The following SLCO5A1 variants were observed in gnomAD, a reference collection of about 807,000 sequenced individuals.
SLCO5A1 encodes solute carrier organic anion transporter family member 5A1, also known as organic anion transporter polypeptide-related protein 4.
In SLCO5A1, 39 loss-of-function variants were observed where a neutral mutation model predicts 65.1. That is an observed-to-expected ratio of 0.60 (90% CI 0.46 to 0.78). SLCO5A1 has a LOEUF of 0.78. Among genes scored for constraint, SLCO5A1 ranks in the 30% least tolerant of loss-of-function variants. The probability of loss-of-function intolerance (pLI) is 0.00; values close to 1 mark genes in which losing one functional copy is unlikely to be tolerated. For missense variants in SLCO5A1, 1,029 were observed against 1,069.4 expected, an observed-to-expected ratio of 0.96 and a Z score of 0.53; for synonymous variants, 438 against 415.7, an observed-to-expected ratio of 1.05 and a Z score of -0.65.
chr8:69,832,292 G>A lies in SLCO5A1; in HGVS notation c.382C>T (p.Arg128Cys), dbSNP rs751515522. 1.2e-6 allele frequency: 2 copies of A among 1,614,194 alleles called. No homozygotes were observed. Among genetic ancestry groups the A allele is most frequent in the South Asian group, 2.2e-5 (2 of 91,084 alleles). The part of the protein sequence containing the change: ...RCLYVVLTDS[R>C]CFLVCMCFLT... ...AAGCACATGCACACCAGGAAGCAAC[G>A]GGAATCCGTGAGGACCACGTAGAGG... Residue 128 changes from arginine (R) to cysteine (C), a missense_variant, in exon 2 of 10, where the codon CGT (arginine) becomes TGT (cysteine). Around this residue, in one of 3 missense-constraint regions of SLCO5A1, gnomAD observed 647 missense variants for 647.5 expected, o/e 1.00. Coordinates refer to ENST00000260126, the MANE Select transcript of SLCO5A1 (RefSeq NM_030958.3). The surrounding 1 kb of genome is among the most constrained non-coding windows in gnomAD (Gnocchi z 4.5).
intron 5 of SLCO5A1, among the ~76,000 whole-genome samples, chr8:69,721,476 G>A (rs1406277279): frequency 1.3e-5 from 2 of 152,162 alleles, no homozygotes; most frequent in Admixed American, 1.3e-4. Context: ...CGAATCATTG[G>A]CTAATTAATG....
intron 5 of SLCO5A1, among the ~76,000 whole-genome samples, chr8:69,727,598 A>G (rs1445409922): frequency 6.6e-6 from 1 of 152,170 alleles, no homozygotes; most frequent in Non-Finnish European, 1.5e-5. Flanking sequence ...GCATGCATGG[A>G]AGGCACCTCG....
intron 2 of SLCO5A1, among the ~76,000 whole-genome samples, chr8:69,801,333 T>C (rs1030976403): frequency 2.0e-5 from 3 of 152,220 alleles, no homozygotes; most frequent in Non-Finnish European, 4.4e-5. Flanking sequence ...CAACTCAAAG[T>C]AGCTTTTACA....
At position 69,670,510 on chromosome 8, in the gene SLCO5A1, G is replaced by A. The variant is rs137915237; in HGVS notation, c.*2359C>T. 1.0e-3 allele frequency: 155 copies of A among 152,244 alleles called. No homozygotes were observed. Among genetic ancestry groups the A allele is most frequent in the African/African-American group, 3.5e-3 (147 of 41,538 alleles). 9.4% of individuals were successfully genotyped at this position (152,244 alleles called of 1,614,324 possible). On this transcript the variant is annotated 3_prime_UTR_variant, in exon 10 of 10. Coordinates refer to ENST00000260126, the MANE Select transcript of SLCO5A1 (RefSeq NM_030958.3). The stretch of plus-strand genomic sequence containing the variant: ...TAATGAAATACCTGCTATTTATAAG[G>A]AGCAGATACTTGAGGAAGTACAATA...
Position 69,803,712 on chromosome 8 carries a change from G to T in SLCO5A1, c.907+28055C>A, listed in dbSNP as rs993925216. Among the ~76,000 whole-genome samples, 3 of 152,128 alleles carry T rather than the reference G, an allele frequency of 2.0e-5. No homozygotes were observed. The East Asian group carries it at 5.8e-4, about 29-fold the overall frequency. ...TGAAACTCACTAAAGTGTATGGCTG[G>T]GTGTGGTGCCTCACACATGTAATCC... is the stretch of plus-strand genomic sequence containing the variant. On this transcript the variant is annotated intron_variant, in intron 2 of 9. Transcript: ENST00000260126.
chr8:69,710,057 C>A (rs1214703614), intron 5 of SLCO5A1, among the ~76,000 whole-genome samples: 1 of 141,790 alleles, frequency 7.1e-6, no homozygotes, highest in Non-Finnish European at 1.5e-5. Context: ...TCACTCTTGT[C>A]GCCCAGGCTA....
At chr8:69,812,609 C>G (rs1327585059) in intron 2 of SLCO5A1, among the ~76,000 whole-genome samples, 1 of 152,114 alleles carries the variant, frequency 6.6e-6, no homozygotes, top group African/African-American at 2.4e-5. Context: ...GGCTCTAGAA[C>G]CTAAAAGGAA....
intron 2 of SLCO5A1, among the ~76,000 whole-genome samples, chr8:69,785,183 T>C (rs1819002889): frequency 1.3e-5 from 2 of 152,090 alleles, no homozygotes; most frequent in South Asian, 4.2e-4. Flanking sequence ...AAAATACATG[T>C]TCACACAACT....
intron 5 of SLCO5A1, among the ~76,000 whole-genome samples, chr8:69,729,029 A>G (rs1479790246): frequency 6.6e-6 from 1 of 152,210 alleles, no homozygotes; most frequent in African/African-American, 2.4e-5. Context: ...TGTGGAAGGT[A>G]AGTGAGTCAC....
chr8:69,690,726 G>A (rs1337072739), intron 6 of SLCO5A1, among the ~76,000 whole-genome samples: 1 of 152,174 alleles, frequency 6.6e-6, no homozygotes, highest in Non-Finnish European at 1.5e-5. Context: ...TCGGAGCTGG[G>A]TGGAACTGAG....
intron 2 of SLCO5A1, among the ~76,000 whole-genome samples, chr8:69,824,366 T>G (rs1315335911): frequency 6.6e-6 from 1 of 151,850 alleles, no homozygotes; most frequent in Non-Finnish European, 1.5e-5. Flanking sequence ...TCAACAATAT[T>G]GATAGACCGC....
intron 2 of SLCO5A1, among the ~76,000 whole-genome samples, chr8:69,810,475 G>A (rs1820167972): frequency 6.6e-6 from 1 of 152,172 alleles, no homozygotes; most frequent in South Asian, 2.1e-4. Flanking sequence ...ACAGAAGAAA[G>A]CCAAATTCTA....
chr8:69,704,527 C>T (rs995355583), intron 6 of SLCO5A1, among the ~76,000 whole-genome samples: 4 of 152,122 alleles, frequency 2.6e-5, no homozygotes, highest in Non-Finnish European at 5.9e-5. Context: ...ATTGAAAATA[C>T]ATATCCACAA....
In SLCO5A1 at chr8:69,731,001, AT is replaced by A. The variant is rs200542062; in HGVS notation, c.1423+7038del. Among the ~76,000 whole-genome samples, 1,439 of 145,112 alleles carry A rather than the reference AT, an allele frequency of 9.9e-3. 27 individuals are homozygous for A. Among genetic ancestry groups the A allele is most frequent in the African/African-American group, 0.032 (1,260 of 39,818 alleles). On this transcript the variant is annotated intron_variant, in intron 5 of 9. Transcript: ENST00000260126. ...TTAGGTTGGTGCAAAAGTAATTGCA[AT>A]TTTTTTTTTTTTTGAGATGAAGTCT...
At chr8:69,771,686 G>A (rs951522945) in intron 2 of SLCO5A1, among the ~76,000 whole-genome samples, 2 of 152,184 alleles carry the variant, frequency 1.3e-5, no homozygotes, top group African/African-American at 4.8e-5. Context: ...ATCTTGCCCA[G>A]AGGTCTCTGT....
At chr8:69,795,073 C>T (rs1297451377) in intron 2 of SLCO5A1, among the ~76,000 whole-genome samples, 1 of 152,168 alleles carries the variant, frequency 6.6e-6, no homozygotes, top group Non-Finnish European at 1.5e-5. Context: ...CCCACCAGGC[C>T]CCACCTCCAA....
chr8:69,676,587 A>C, intron 9 of SLCO5A1, 22 bp downstream of exon 9: 1 of 1,607,662 alleles, frequency 6.2e-7, no homozygotes, highest in Non-Finnish European at 8.5e-7. Context: ...TAAGAGGTAC[A>C]CTTGGAAATT....
chr8:69,697,400 T>TTA (rs968897450), intron 6 of SLCO5A1, among the ~76,000 whole-genome samples: 11 of 151,864 alleles, frequency 7.2e-5, no homozygotes, highest in South Asian at 6.2e-4. Context: ...CAAAAAAAAA[T>TTA]TATATATATA....
At chr8:69,797,650 C>T (rs568957522) in intron 2 of SLCO5A1, among the ~76,000 whole-genome samples, 2 of 152,180 alleles carry the variant, frequency 1.3e-5, no homozygotes, top group African/African-American at 2.4e-5. Flanking sequence ...CTTTTATGGT[C>T]GAAGCTGTAG....
Sources: allele counts gnomAD v4.1 joint callset (sites outside exome capture counted in the v4.1 genomes callset), GRCh38; gene constraint gnomAD v4.1.1; regional missense constraint gnomAD v4.1.1; non-coding constraint Gnocchi (gnomAD v3.1); transcripts MANE v1.5; gene names NCBI Gene and HGNC (gene_info 2026-07-23, HGNC 2026-07-21).